Variants in DGKB observed in about 807,000 individuals in gnomAD.
DGKB encodes diacylglycerol kinase beta.
Under a neutral mutation model 114.3 loss-of-function variants are expected in DGKB, and 67 were observed. The observed-to-expected ratio is 0.59, with a 90% CI of 0.48 to 0.72. The LOEUF (loss-of-function observed/expected upper bound fraction) is 0.72, where lower values mean the gene tolerates loss of function less well. DGKB is among the 30% of genes least tolerant of loss of function. The pLI, the probability that DGKB is intolerant of heterozygous loss-of-function variation, is 0.00. For synonymous variants in DGKB, 398 were observed against 323.1 expected (o/e 1.23, Z -2.49); for missense variants, 907 against 975.2 (o/e 0.93, Z 0.93).
chr7:14,261,181 T>C (rs1209919167), intron 23 of DGKB, among the ~76,000 whole-genome samples: 1 of 152,108 alleles, frequency 6.6e-6, no homozygotes, highest in Non-Finnish European at 1.5e-5. Flanking sequence ...TTTCAACATG[T>C]TGGGTTGCCC....
At chr7:14,181,718 A>T (rs1285216239) in intron 23 of DGKB, among the ~76,000 whole-genome samples, 1 of 152,182 alleles carries the variant, frequency 6.6e-6, no homozygotes, top group African/African-American at 2.4e-5. Flanking sequence ...TGACACCATG[A>T]TACTGAAATC....
At chr7:14,594,038 T>A (rs189151184) in intron 17 of DGKB, among the ~76,000 whole-genome samples, 1 of 152,234 alleles carries the variant, frequency 6.6e-6, no homozygotes, top group Middle Eastern at 3.4e-3. Context: ...GGAACACTCA[T>A]ACTATTCTAT....
chr7:14,922,380 G>GTGTGTGTGTA (rs201463655), intron 1 of DGKB, among the ~76,000 whole-genome samples: 7,170 of 87,020 alleles, frequency 0.082, 606 homozygotes, highest in African/African-American at 0.27. Context: ...TCCATCGTGT[G>GTGTGTGTGTA]TGTGTGTGTG....
chr7:14,524,321 G>A (rs1207833610), intron 20 of DGKB, among the ~76,000 whole-genome samples: 2 of 152,074 alleles, frequency 1.3e-5, no homozygotes, highest in Non-Finnish European at 2.9e-5. Flanking sequence ...ACCATTCCTT[G>A]CTTCAGATCA....
rs1164534352 is a variant in DGKB, at chr7:14,973,763, GT to G, written c.-188+932del. Reference sequence around the variant, plus strand: ...ATATATGACGCATAACAGTCACATTGTCTTAATTGACCAAAATAAATAGTAA... The same window carrying G: ...ATATATGACGCATAACAGTCACATTGCTTAATTGACCAAAATAAATAGTAA... On this transcript the variant is annotated intron_variant, in intron 1 of 4. Transcript: ENST00000437998. Among the ~76,000 whole-genome samples, 2 of 148,860 alleles carry G rather than the reference GT, an allele frequency of 1.3e-5. 1 individual carries two copies. Among genetic ancestry groups the G allele is most frequent in the Non-Finnish European group, 3.0e-5 (2 of 67,340 alleles).
intron 21 of DGKB, among the ~76,000 whole-genome samples, chr7:14,402,366 T>C (rs1007066864): frequency 2.0e-5 from 3 of 151,894 alleles, no homozygotes; most frequent in African/African-American, 7.2e-5. Context: ...CTAATTTTAA[T>C]TCCAGGAACA....
intron 21 of DGKB, among the ~76,000 whole-genome samples, chr7:14,459,883 A>T (rs1832815737): frequency 6.6e-6 from 1 of 152,190 alleles, no homozygotes. Context: ...ACCCTATCAG[A>T]CTAACAGCAG....
chr7:14,262,705 C>G (rs1223556944), intron 23 of DGKB, among the ~76,000 whole-genome samples: 1 of 151,982 alleles, frequency 6.6e-6, no homozygotes, highest in Non-Finnish European at 1.5e-5. Flanking sequence ...AAGGCCAGTC[C>G]AAGAGGATGA....
At chr7:14,676,807 C>T (rs1819941758) in intron 12 of DGKB, among the ~76,000 whole-genome samples, 2 of 151,856 alleles carry the variant, frequency 1.3e-5, no homozygotes, top group Admixed American at 1.3e-4. Context: ...ATTGAAGATG[C>T]TGCCTCTTTA....
In DGKB at chr7:14,962,630, GTGTGTT is replaced by G. The variant is rs1159233605; in HGVS notation, c.-188+12060_-188+12065del. 5.8e-3 allele frequency among the ~76,000 whole-genome samples: 817 copies of G among 140,224 alleles called. 8 individuals are homozygous for G. The East Asian group carries it at 0.065, about 11-fold the overall frequency. The allele number at this position is 140,224 out of a possible 152,430, so 92.0% of individuals were successfully genotyped here. A position where few individuals can be genotyped will look rare whatever the true frequency, so the allele number is the denominator to read the frequency against. The stretch of plus-strand genomic sequence containing the variant: ...TAAATAGCTATAGCTGTGTGTGTGT[GTGTGTT>G]TGTGTGTGTGTGTGTGTGTGTGTGT... On this transcript the variant is annotated intron_variant, in intron 1 of 4. Transcript: ENST00000437998.
intron 1 of DGKB, among the ~76,000 whole-genome samples, chr7:14,937,098 G>C (rs1192119498): frequency 6.9e-6 from 1 of 144,136 alleles, no homozygotes; most frequent in African/African-American, 2.6e-5. Flanking sequence ...TTATAATTTT[G>C]CTACATTTTT....
At chr7:14,912,486 T>C (rs1381817697) in intron 1 of DGKB, among the ~76,000 whole-genome samples, 3 of 152,064 alleles carry the variant, frequency 2.0e-5, no homozygotes, top group Non-Finnish European at 4.4e-5. Flanking sequence ...CTGATAGTAA[T>C]AGGTAGAATG....
intron 20 of DGKB, among the ~76,000 whole-genome samples, chr7:14,503,799 G>A (rs1176263369): frequency 1.3e-5 from 2 of 152,088 alleles, no homozygotes; most frequent in South Asian, 2.1e-4. Flanking sequence ...GGCAGCGAGT[G>A]ACTAAAGGGC....
intron 23 of DGKB, among the ~76,000 whole-genome samples, chr7:14,288,287 G>GTT (rs72215994): frequency 2.2e-5 from 2 of 91,474 alleles, no homozygotes; most frequent in Non-Finnish European, 4.0e-5. Flanking sequence ...ACTACCCTGA[G>GTT]TTTTTTTTTT....
At position 14,886,348 on chromosome 7, in the gene DGKB, A is replaced by G. The variant is rs139463445; in HGVS notation, c.-188+16244T>C. Among the ~76,000 whole-genome samples, 339 of 151,986 alleles carry G rather than the reference A, an allele frequency of 2.2e-3. 1 individual carries two copies. The highest frequency in any genetic ancestry group is 7.9e-3 in the African/African-American group (329 of 41,504). ...TTGATACTATTCTTGAGGTGACAGC[A>G]AGATACATACACAGAAAAATCTAGT... On this transcript the variant is annotated intron_variant, in intron 1 of 25. Transcript: ENST00000402815.
chr7:14,846,974 A>T (rs1848703348), intron 1 of DGKB, among the ~76,000 whole-genome samples: 3 of 152,234 alleles, frequency 2.0e-5, no homozygotes, highest in Admixed American at 6.5e-5. Flanking sequence ...GACTTCAATA[A>T]TTGAAGAGAA....
chr7:14,554,775 G>A (rs914767159), intron 20 of DGKB, among the ~76,000 whole-genome samples: 6 of 151,820 alleles, frequency 4.0e-5, no homozygotes, highest in African/African-American at 7.3e-5. Flanking sequence ...TAATTTTATC[G>A]TTCATTGTTA....
At chr7:14,670,383 A>G (rs556501010) in intron 13 of DGKB, among the ~76,000 whole-genome samples, 13 of 151,456 alleles carry the variant, frequency 8.6e-5, no homozygotes, top group African/African-American at 3.2e-4. Flanking sequence ...GCTCACTGCA[A>G]CCTCCGCCTC....
chr7:14,711,269 TA>T lies in DGKB; in HGVS notation c.466+7272del, dbSNP rs549873701. Among the ~76,000 whole-genome samples, 801 of 152,180 alleles carry T rather than the reference TA, an allele frequency of 5.3e-3. 5 individuals are homozygous for T. The highest frequency in any genetic ancestry group is 0.018 in the African/African-American group (744 of 41,566). ...GGAGAGTTTTAAGCTCTAGTTAATA[TA>T]ATAACAATAATAAAAATATCATACA... On this transcript the variant is annotated intron_variant, in intron 6 of 25. Coordinates refer to ENST00000402815, the MANE Select transcript of DGKB (RefSeq NM_001350709.2).
Sources: allele counts gnomAD v4.1 joint callset (sites outside exome capture counted in the v4.1 genomes callset), GRCh38; gene constraint gnomAD v4.1.1; transcripts MANE v1.5; gene names NCBI Gene and HGNC (gene_info 2026-07-23, HGNC 2026-07-21).